The following PROM1 variants were observed in gnomAD, a reference collection of about 807,000 sequenced individuals.
The protein encoded by PROM1 is prominin-1.
In PROM1, 105 loss-of-function variants were observed where a neutral mutation model predicts 116.9. The observed-to-expected ratio is 0.90, with a 90% CI of 0.77 to 1.06. PROM1 has a LOEUF of 1.06. Among genes scored for constraint, PROM1 ranks in the 50% least tolerant of loss-of-function variants. The probability of loss-of-function intolerance (pLI) is 0.00; values close to 1 mark genes in which losing one functional copy is unlikely to be tolerated. For missense variants in PROM1, 1,122 were observed against 1,045.2 expected (o/e 1.07, Z -1.01); for synonymous variants, 393 against 387.0 (o/e 1.02, Z -0.18).
chr4:16,017,233 G>A (rs1728623358), intron 9 of PROM1, among the ~76,000 whole-genome samples: 1 of 152,126 alleles, frequency 6.6e-6, no homozygotes, highest in South Asian at 2.1e-4. Flanking sequence ...ATATGATAAA[G>A]CAAATGGTGC....
Position 15,992,327 on chromosome 4 carries a change from C to T in PROM1, c.1832G>A (p.Gly611Asp), listed in dbSNP as rs776640577. 44 of 1,613,830 alleles carry T rather than the reference C, an allele frequency of 2.7e-5. No individual in the cohort carries two copies. Among genetic ancestry groups the T allele is most frequent in the Non-Finnish European group, 3.6e-5 (43 of 1,179,788 alleles). Residue 611 changes from glycine (G) to aspartate (D), a missense_variant, in exon 17 of 28, where the codon GGT becomes GAT. By Grantham distance (94) the Gly-to-Asp change is moderately conservative. Transcript: ENST00000447510. ...LKVNLNIFLL[G>D]AAGRKNLQDF... ...CTGAAGGTTTTTTCTTCCTGCTGCACCCAACAGAAAGATATTAAGATTTAC... is the reference window on the plus strand; with the variant it reads ...CTGAAGGTTTTTTCTTCCTGCTGCATCCAACAGAAAGATATTAAGATTTAC...
At chr4:16,001,828 G>A (rs1250367222) in intron 13 of PROM1, among the ~76,000 whole-genome samples, 1 of 152,116 alleles carries the variant, frequency 6.6e-6, no homozygotes, top group African/African-American at 2.4e-5. Flanking sequence ...AAGAGTTTCT[G>A]CTTTTATTTC....
chr4:15,986,693 G>A (rs1719503848), intron 20 of PROM1, among the ~76,000 whole-genome samples: 1 of 152,174 alleles, frequency 6.6e-6, no homozygotes, highest in Admixed American at 6.5e-5. Flanking sequence ...GTGTTTCCAG[G>A]TTCCCCTGGC....
chr4:16,032,210 T>C (rs1732877708), intron 5 of PROM1, among the ~76,000 whole-genome samples: 2 of 152,008 alleles, frequency 1.3e-5, no homozygotes, highest in Admixed American at 1.3e-4. Flanking sequence ...GCTTTTTCAC[T>C]TCATCTGTCA....
intron 2 of PROM1, among the ~76,000 whole-genome samples, chr4:16,062,130 GAC>G (rs1157612775): frequency 3.3e-5 from 5 of 151,826 alleles, no homozygotes; most frequent in African/African-American, 1.2e-4. Flanking sequence ...CTGACTTCGT[GAC>G]CACCCGCCTC....
chr4:16,016,621 C>T (rs17387327), intron 9 of PROM1, among the ~76,000 whole-genome samples: 15,786 of 152,188 alleles, frequency 0.1, 906 homozygotes, highest in African/African-American at 0.14. Context: ...AATCTGGAAT[C>T]GTTTTTCCAC....
chr4:16,039,840 A>G (rs1233035895), intron 2 of PROM1, among the ~76,000 whole-genome samples: 1 of 152,178 alleles, frequency 6.6e-6, no homozygotes, highest in Non-Finnish European at 1.5e-5. Flanking sequence ...ATACTCATTT[A>G]GAGTATTTGC....
Position 15,971,407 on chromosome 4 carries a change from AG to A in PROM1, c.2583-326del, listed in dbSNP as rs377088004. 1,647 of 239,188 alleles carry A rather than the reference AG, an allele frequency of 6.9e-3. 8 individuals are homozygous for A. Among genetic ancestry groups the A allele is most frequent in the Middle Eastern group, 0.013 (9 of 694 alleles). The allele number at this position is 239,188 out of a possible 1,614,324, so 14.8% of individuals were successfully genotyped here. The stretch of plus-strand genomic sequence containing the variant: ...GACATTAGACCAGCAGCAACACAGC[AG>A]TACACATGTCTACCACAAGAGTCTT... On this transcript the variant is annotated intron_variant, in intron 26 of 27. Transcript: ENST00000447510.
chr4:16,023,325 C>T lies in PROM1; in HGVS notation c.784+1G>A, dbSNP rs745704627. 3.1e-6 allele frequency: 5 copies of T among 1,596,748 alleles called. No individual in the cohort carries two copies. In the Admixed American group the frequency reaches 5.1e-5, roughly 16 times the overall value. ...TTTGGTCATTTTTGCCCACTGCTTACCTGTTGCCATGGACTTAATCTCATC... is the reference window on the plus strand; with the variant it reads ...TTTGGTCATTTTTGCCCACTGCTTATCTGTTGCCATGGACTTAATCTCATC... On this transcript the variant is annotated splice_donor_variant, in intron 8 of 27. Coordinates refer to ENST00000447510, the MANE Select transcript of PROM1 (RefSeq NM_006017.3). LOFTEE classifies it high-confidence loss of function.
chr4:16,065,744 G>A (rs1475131849), intron 2 of PROM1, among the ~76,000 whole-genome samples: 1 of 152,184 alleles, frequency 6.6e-6, no homozygotes, highest in Non-Finnish European at 1.5e-5. Flanking sequence ...TCTCTGAGCA[G>A]CACAAAGTTA....
At chr4:16,025,146 A>C in intron 6 of PROM1, 46 bp downstream of exon 6, 3 of 1,586,268 alleles carry the variant, frequency 1.9e-6, no homozygotes, top group Non-Finnish European at 2.6e-6. Context: ...ACTCCAAAAA[A>C]CCAAAAATAT....
intron 2 of PROM1, among the ~76,000 whole-genome samples, chr4:16,072,363 C>T (rs981854747): frequency 8.5e-5 from 13 of 152,188 alleles, no homozygotes; most frequent in African/African-American, 3.1e-4. Flanking sequence ...GAAGCACAGG[C>T]TCCAGGGCTG....
intron 7 of PROM1, among the ~76,000 whole-genome samples, 171 bp from the exon 8 acceptor site, chr4:16,023,586 C>T (rs976018734): frequency 2.0e-5 from 3 of 152,136 alleles, no homozygotes; most frequent in East Asian, 3.9e-4. Context: ...AGGGTCTCCG[C>T]ACCAACTGTT....
intron 13 of PROM1, among the ~76,000 whole-genome samples, 190 bp from the exon 14 acceptor site, chr4:16,000,809 A>AGG (rs1229448891): frequency 6.7e-6 from 1 of 149,574 alleles, no homozygotes; most frequent in East Asian, 2.0e-4. Context: ...AGGACAGGCA[A>AGG]GGGTACACTG....
intron 2 of PROM1, among the ~76,000 whole-genome samples, chr4:16,061,729 T>C (rs1740354300): frequency 6.6e-6 from 1 of 152,174 alleles, no homozygotes; most frequent in Non-Finnish European, 1.5e-5. Flanking sequence ...TTCTGAAGGC[T>C]AGCAATCCAA....
intron 15 of PROM1, among the ~76,000 whole-genome samples, chr4:15,996,378 C>G (rs956354437): frequency 2.0e-5 from 3 of 152,124 alleles, no homozygotes; most frequent in Admixed American, 2.0e-4. Context: ...GGCGTGGTGA[C>G]AGACACCTGT....
chr4:16,036,528 C>T (rs967909), intron 3 of PROM1, among the ~76,000 whole-genome samples: 12,799 of 152,132 alleles, frequency 0.084, 684 homozygotes, highest in East Asian at 0.23. Context: ...GGAAGGGGCA[C>T]GCAGGCTTGT....
At chr4:16,036,733 G>A (rs1295259487) in intron 3 of PROM1, among the ~76,000 whole-genome samples, 2 of 152,232 alleles carry the variant, frequency 1.3e-5, no homozygotes, top group Admixed American at 1.3e-4. Flanking sequence ...TGTAGGGTCT[G>A]CTTCAGGGGG....
chr4:16,019,664 G>T (rs1057267500), intron 8 of PROM1, among the ~76,000 whole-genome samples: 2 of 152,204 alleles, frequency 1.3e-5, no homozygotes, highest in Non-Finnish European at 2.9e-5. Context: ...AGCAGTAAAA[G>T]ATGTGAAATT....
Sources: allele counts gnomAD v4.1 joint callset (sites outside exome capture counted in the v4.1 genomes callset), GRCh38; gene constraint gnomAD v4.1.1; transcripts MANE v1.5; gene names NCBI Gene and HGNC (gene_info 2026-07-23, HGNC 2026-07-21).